The following NSMCE1 variants were observed in gnomAD, a reference collection of about 807,000 sequenced individuals.
The protein encoded by NSMCE1 is NSE1 component of SMC5/6 complex.
In NSMCE1, 18 loss-of-function variants were observed where a neutral mutation model predicts 29.6. That is an observed-to-expected ratio of 0.61 (90% CI 0.42 to 0.90). NSMCE1 has a LOEUF of 0.90. NSMCE1 is among the 40% of genes least tolerant of loss of function. NSMCE1 has a pLI of 0.00. For synonymous variants in NSMCE1, 124 were observed against 133.4 expected (o/e 0.93, Z 0.49); for missense variants, 314 against 343.6 (o/e 0.91, Z 0.68).
In NSMCE1 at chr16:27,237,002, C is replaced by T. The variant is rs148770071; in HGVS notation, c.137-1703G>A. Among the ~76,000 whole-genome samples the T allele has an allele frequency of 2.3e-3, 343 of 152,010 alleles. 1 individual carries two copies. Among genetic ancestry groups the T allele is most frequent in the Non-Finnish European group, 3.9e-3 (267 of 67,978 alleles). On this transcript the variant is annotated intron_variant, in intron 2 of 7. Transcript: ENST00000361439. ...TGCTGGTGACAATGGAGGATGTGGC[C>T]GTGTGAAAGAGTCAAGGAAAACCCA... is the stretch of plus-strand genomic sequence containing the variant.
chr16:27,268,346 G>A (rs574897656), intron 1 of NSMCE1: 1 of 152,218 alleles, frequency 6.6e-6, no homozygotes, highest in African/African-American at 2.4e-5. Flanking sequence ...ATCACAGTTT[G>A]AATCGAATTT....
intron 2 of NSMCE1, 85 bp from the exon 3 acceptor site, chr16:27,235,384 C>G (rs1203987339): frequency 4.4e-5 from 66 of 1,509,320 alleles, no homozygotes; most frequent in Non-Finnish European, 5.9e-5. Flanking sequence ...TCCATCCCAT[C>G]TCAACGCAGG....
intron 2 of NSMCE1, chr16:27,241,789 C>T (rs984388459): frequency 2.2e-5 from 10 of 445,834 alleles, no homozygotes; most frequent in Non-Finnish European, 4.1e-5. Context: ...GCTGCAGCGC[C>T]GCTCCTCACC....
In NSMCE1 at chr16:27,249,435, T is replaced by G. The variant is rs548681095; in HGVS notation, c.136+8000A>C. On this transcript the variant is annotated intron_variant, in intron 2 of 7. Transcript: ENST00000361439. Reference sequence around the variant, plus strand: ...TTTTACATTTAGGTCTATGACTCATTTTGAGATAATTTTTGTATTTGGTGC... The same window carrying G: ...TTTTACATTTAGGTCTATGACTCATGTTGAGATAATTTTTGTATTTGGTGC... 1.4e-3 allele frequency among the ~76,000 whole-genome samples: 219 copies of G among 152,238 alleles called. 8 individuals carry two copies. The highest frequency in any genetic ancestry group is 4.3e-4 in the Non-Finnish European group (29 of 68,040).
At chr16:27,251,907 G>A (rs1025490248) in intron 2 of NSMCE1, among the ~76,000 whole-genome samples, 7 of 152,074 alleles carry the variant, frequency 4.6e-5, no homozygotes, top group African/African-American at 7.2e-5. Flanking sequence ...TAAGTACTCC[G>A]TCCTGCAACC....
chr16:27,247,926 CA>C (rs78525963), intron 2 of NSMCE1, among the ~76,000 whole-genome samples: 3,164 of 107,588 alleles, frequency 0.029, 98 homozygotes, highest in African/African-American at 0.096. Context: ...GACTCTGTCT[CA>C]AAAAAAAAAA....
intron 1 of NSMCE1, among the ~76,000 whole-genome samples, chr16:27,258,829 C>T (rs1418164022): frequency 6.6e-6 from 1 of 151,938 alleles, no homozygotes; most frequent in African/African-American, 2.4e-5. Context: ...CGGCTCACTA[C>T]AACCTCTGCC....
chr16:27,233,189 C>CA (rs2083781020), intron 4 of NSMCE1, 42 bp from the exon 5 acceptor site: 2 of 1,579,438 alleles, frequency 1.3e-6, no homozygotes, highest in Non-Finnish European at 1.7e-6. Context: ...ATTAAAATGG[C>CA]AAAAATAACT....
chr16:27,247,311 C>G (rs1156707143), intron 2 of NSMCE1, among the ~76,000 whole-genome samples: 1 of 152,142 alleles, frequency 6.6e-6, no homozygotes, highest in African/African-American at 2.4e-5. Flanking sequence ...CCCTTTTGCT[C>G]AGCACTTCTC....
chr16:27,234,681 G>A (rs1035962677), intron 3 of NSMCE1, among the ~76,000 whole-genome samples: 1 of 152,318 alleles, frequency 6.6e-6, no homozygotes, highest in South Asian at 2.1e-4. Flanking sequence ...GGCAACCCTG[G>A]ACTAGAGTGC....
intron 2 of NSMCE1, chr16:27,241,537 AG>A (rs2083893834): frequency 1.0e-5 from 2 of 190,604 alleles, no homozygotes; most frequent in South Asian, 1.7e-4. Context: ...GAGGTTTGTG[AG>A]GGGCCACAGG....
intron 1 of NSMCE1, among the ~76,000 whole-genome samples, chr16:27,258,811 C>T (rs1037186332): frequency 6.6e-6 from 1 of 151,724 alleles, no homozygotes; most frequent in East Asian, 1.9e-4. Flanking sequence ...AGTGCAGTGG[C>T]GTGATCTCGG....
chr16:27,234,599 T>C (rs1041632653), intron 3 of NSMCE1, among the ~76,000 whole-genome samples: 4 of 152,270 alleles, frequency 2.6e-5, no homozygotes, highest in African/African-American at 9.6e-5. Flanking sequence ...GGAAATCTGC[T>C]TTGCCATGTC....
At chr16:27,250,959 G>A (rs7189678) in intron 2 of NSMCE1, among the ~76,000 whole-genome samples, 12,244 of 141,468 alleles carry the variant, frequency 0.087, 1,421 homozygotes, top group African/African-American at 0.27. Context: ...CTCCTGCCTC[G>A]GCCTCCCGAG....
chr16:27,235,390 G>A (rs1567274685), intron 2 of NSMCE1, 91 bp from the exon 3 acceptor site: 9 of 1,415,016 alleles, frequency 6.4e-6, no homozygotes, highest in East Asian at 2.3e-5. Flanking sequence ...CCATCTCAAC[G>A]CAGGGGACAG....
intron 4 of NSMCE1, among the ~76,000 whole-genome samples, chr16:27,233,607 T>G (rs555034773): frequency 2.0e-5 from 3 of 152,360 alleles, no homozygotes; most frequent in Non-Finnish European, 4.4e-5. Flanking sequence ...CAACAGATCG[T>G]GAGTGGGGCT....
intron 1 of NSMCE1, among the ~76,000 whole-genome samples, chr16:27,267,543 A>G (rs2084239868): frequency 6.6e-6 from 1 of 152,140 alleles, no homozygotes; most frequent in Non-Finnish European, 1.5e-5. Flanking sequence ...GTGAGTGAAC[A>G]GAACAACTAC....
chr16:27,256,919 A>G (rs1323568405), intron 2 of NSMCE1, among the ~76,000 whole-genome samples: 3 of 152,036 alleles, frequency 2.0e-5, no homozygotes, highest in Non-Finnish European at 4.4e-5. Flanking sequence ...GTCTTGCTAC[A>G]TTGCCCAGGC....
chr16:27,238,037 C>T (rs964921986), intron 2 of NSMCE1, among the ~76,000 whole-genome samples: 1 of 152,186 alleles, frequency 6.6e-6, no homozygotes, highest in African/African-American at 2.4e-5. Context: ...GGAGGCCCCG[C>T]GCCCTTGCAG....
Sources: gnomAD v4.1 joint callset for allele counts (sites outside exome capture counted in the v4.1 genomes callset) on GRCh38, gnomAD v4.1.1 for gene constraint, MANE v1.5 for transcripts, NCBI Gene and HGNC (gene_info 2026-07-23, HGNC 2026-07-21) for gene names.